ESAM: variants seen among roughly 807,000 people sequenced by gnomAD.
ESAM encodes endothelial cell-selective adhesion molecule.
In ESAM, 23 loss-of-function variants were observed where a neutral mutation model predicts 31.8. The ratio of observed to expected loss-of-function variants is 0.72; its 90% CI spans 0.52 to 1.03. ESAM has a LOEUF of 1.03. Among genes scored for constraint, ESAM ranks in the 50% least tolerant of loss-of-function variants. The probability of loss-of-function intolerance (pLI) is 0.00; values close to 1 mark genes in which losing one functional copy is unlikely to be tolerated. For synonymous variants in ESAM, 216 were observed against 207.2 expected, an observed-to-expected ratio of 1.04 and a Z score of -0.37; for missense variants, 478 against 488.9, an observed-to-expected ratio of 0.98 and a Z score of 0.21.
In ESAM at chr11:124,753,200, T is replaced by G. The variant is rs1328063829; in HGVS notation, c.*446A>C. ...AAAACAACACATATTTCATGTTAGTTTTAATAAGAGATTCCCTATCCTCTG... is the reference window on the plus strand; with the variant it reads ...AAAACAACACATATTTCATGTTAGTGTTAATAAGAGATTCCCTATCCTCTG... On this transcript the variant is annotated 3_prime_UTR_variant, in exon 7 of 7. Transcript: ENST00000278927. The G allele has an allele frequency of 5.8e-6, 1 of 172,634 alleles. No individual in the cohort carries two copies. Among genetic ancestry groups the G allele is most frequent in the Non-Finnish European group, 1.3e-5 (1 of 79,354 alleles). 10.7% of individuals were successfully genotyped at this position (172,634 alleles called of 1,614,324 possible). A position where few individuals can be genotyped will look rare whatever the true frequency, so the allele number is the denominator to read the frequency against.
At chr11:124,760,650 G>T (rs1944218280) in intron 1 of ESAM, among the ~76,000 whole-genome samples, 1 of 152,240 alleles carries the variant, frequency 6.6e-6, no homozygotes, top group African/African-American at 2.4e-5. Context: ...ACCCCCCAGG[G>T]GGACCGATTG....
Position 124,762,247 on chromosome 11 carries a change from G to A in ESAM, c.-93C>T. ...GCTGCGCGACGGCCGGAGCGTGCGC[G>A]GGAGCCGAGCCGCTGACACCCAGGG... is the stretch of plus-strand genomic sequence containing the variant. On this transcript the variant is annotated 5_prime_UTR_variant, in exon 1 of 7. Transcript: ENST00000278927. This position sits in a 1 kb window ranked among gnomAD's most constrained non-coding sequence, Gnocchi z 6.4. 1 of 1,038,212 alleles carries A rather than the reference G, an allele frequency of 9.6e-7. No homozygotes were observed. The highest frequency in any genetic ancestry group is 1.7e-5 in the South Asian group (1 of 58,030). The allele number at this position is 1,038,212 out of a possible 1,614,324, so 64.3% of individuals were successfully genotyped here. A position where few individuals can be genotyped will look rare whatever the true frequency, so the allele number is the denominator to read the frequency against.
At chr11:124,758,556 C>T (rs1483331254) in intron 1 of ESAM, 29 bp from the exon 2 acceptor site, 1 of 1,486,218 alleles carries the variant, frequency 6.7e-7, no homozygotes, top group Admixed American at 2.3e-5. Flanking sequence ...CGTGAGTGCC[C>T]AGGACCGGCT....
At chr11:124,758,594 A>G in intron 1 of ESAM, 67 bp from the exon 2 acceptor site, 1 of 1,432,806 alleles carries the variant, frequency 7.0e-7, no homozygotes, top group Non-Finnish European at 9.1e-7. Context: ...ACCCTGCCCT[A>G]CGCGGCTTCA....
In ESAM at chr11:124,759,570, G is replaced by A. The variant is rs2134462419; in HGVS notation, c.71-1043C>T. On this transcript the variant is annotated intron_variant, in intron 1 of 6. Coordinates refer to ENST00000278927, the MANE Select transcript of ESAM (RefSeq NM_138961.3). The surrounding 1 kb of genome is among the most constrained non-coding windows in gnomAD (Gnocchi z 6.8). The stretch of plus-strand genomic sequence containing the variant: ...GGCGAGCAGGCGGCCAACGCCGCGG[G>A]AAGAGGCCGCAGCCAGGCCCCGCTC... 6.6e-6 allele frequency among the ~76,000 whole-genome samples: 1 copy of A among 152,350 alleles called. No homozygotes were observed. Among genetic ancestry groups the A allele is most frequent in the Admixed American group, 6.5e-5 (1 of 15,310 alleles).
intron 2 of ESAM, chr11:124,756,944 T>C: frequency 1.7e-6 from 1 of 592,024 alleles, no homozygotes; most frequent in Non-Finnish European, 3.0e-6. Context: ...AGAACAGTTC[T>C]TCGTTCCTGC....
At chr11:124,761,046 T>C (rs1944223560) in intron 1 of ESAM, among the ~76,000 whole-genome samples, 2 of 152,128 alleles carry the variant, frequency 1.3e-5, no homozygotes, top group Non-Finnish European at 2.9e-5. Context: ...GCACAGAACA[T>C]GCTAAAGGGG....
rs767234688 is a variant in ESAM, at chr11:124,758,492, G to A, written c.106C>T (p.Pro36Ser). The A allele has an allele frequency of 1.2e-6, 2 of 1,604,290 alleles. No individual in the cohort carries two copies. The highest frequency in any genetic ancestry group is 2.3e-5 in the East Asian group (1 of 44,390). Residue 36 changes from proline (P) to serine (S), a missense_variant, in exon 2 of 7, where the codon CCC (proline) becomes TCC (serine). Transcript: ENST00000278927. ...TCCACCGCCTGCAACCGGTTGGCGGGCAAGTGCAGTTGCAGCTGGGCCCGC... is the reference window on the plus strand; with the variant it reads ...TCCACCGCCTGCAACCGGTTGGCGGACAAGTGCAGTTGCAGCTGGGCCCGC... ...PSRAQLQLHL[P>S]ANRLQAVEGG...
At chr11:124,756,903 C>A (rs538254251) in intron 2 of ESAM, 161 bp from the exon 3 acceptor site, 10 of 701,312 alleles carry the variant, frequency 1.4e-5, no homozygotes, top group Non-Finnish European at 2.2e-5. Flanking sequence ...TGTCCCTAGC[C>A]CCCTCTCACT....
chr11:124,760,583 G>C (rs184489987), intron 1 of ESAM, among the ~76,000 whole-genome samples: 2 of 152,246 alleles, frequency 1.3e-5, no homozygotes, highest in African/African-American at 4.8e-5. Flanking sequence ...GCGCCTGCAC[G>C]TTGCACCGGG....
chr11:124,762,228 C>A lies in ESAM; in HGVS notation c.-74G>T. 1.4e-5 allele frequency: 17 copies of A among 1,236,426 alleles called. No individual in the cohort carries two copies. Among genetic ancestry groups the A allele is most frequent in the Non-Finnish European group, 1.8e-5 (16 of 907,436 alleles). The allele number at this position is 1,236,426 out of a possible 1,614,324, so 76.6% of individuals were successfully genotyped here. A position where few individuals can be genotyped will look rare whatever the true frequency, so the allele number is the denominator to read the frequency against. ...CGGACCTGCAGGTGCCGAGGCTGCG[C>A]GACGGCCGGAGCGTGCGCGGGAGCC... On this transcript the variant is annotated 5_prime_UTR_variant, in exon 1 of 7. Transcript: ENST00000278927. The surrounding 1 kb of genome is among the most constrained non-coding windows in gnomAD (Gnocchi z 6.4).
At chr11:124,755,038 T>C (rs1274349315) in intron 4 of ESAM, among the ~76,000 whole-genome samples, 1 of 152,062 alleles carries the variant, frequency 6.6e-6, no homozygotes, top group Non-Finnish European at 1.5e-5. Context: ...CAAAACACCA[T>C]TTTACTTTTA....
rs1242187777 is a variant in ESAM at position 124,758,461 on chromosome 11, C to T, written c.137G>A (p.Gly46Glu). Residue 46 changes from glycine (G) to glutamate (E), a missense_variant, in exon 2 of 7, where the codon GGG becomes GAG. Coordinates refer to ENST00000278927, the MANE Select transcript of ESAM (RefSeq NM_138961.3). ...GTACCACGCTGGAAGCACCACTTCC[C>T]CTCCCTCCACCGCCTGCAACCGGTT... The part of the protein sequence containing the change: ...PANRLQAVEG[G>E]EVVLPAWYTL... The T allele has an allele frequency of 6.2e-7, 1 of 1,612,880 alleles. No homozygotes were observed.
rs977183198 is a variant in ESAM at position 124,759,833 on chromosome 11, G to T, written c.71-1306C>A. On this transcript the variant is annotated intron_variant, in intron 1 of 6. Transcript: ENST00000278927. This position sits in a 1 kb window ranked among gnomAD's most constrained non-coding sequence, Gnocchi z 6.8. ...TGAAGGGGGGGCCACTAGACCGGAG[G>T]CTCTACGGGAGGAAACAATCCCCGC... Among the ~76,000 whole-genome samples the T allele has an allele frequency of 3.9e-5, 6 of 152,206 alleles. No homozygotes were observed. Among genetic ancestry groups the T allele is most frequent in the African/African-American group, 1.4e-4 (6 of 41,462 alleles).
intron 1 of ESAM, among the ~76,000 whole-genome samples, chr11:124,760,827 G>C (rs979321737): frequency 1.9e-4 from 29 of 152,134 alleles, no homozygotes; most frequent in Admixed American, 9.2e-4. Flanking sequence ...CCACAAGGAA[G>C]GGGGATAGAG....
chr11:124,756,389 C>G, intron 3 of ESAM, 27 bp from the exon 4 acceptor site: 1 of 1,580,774 alleles, frequency 6.3e-7, no homozygotes, highest in Non-Finnish European at 8.6e-7. Context: ...AGATTAAAAC[C>G]ACACCCAGGA....
At chr11:124,758,573 T>A in intron 1 of ESAM, 46 bp from the exon 2 acceptor site, 1 of 1,456,838 alleles carries the variant, frequency 6.9e-7, no homozygotes, top group Non-Finnish European at 9.0e-7. Flanking sequence ...GGCTCCCAGC[T>A]CCGCCCGCGG....
chr11:124,756,441 CT>C, intron 3 of ESAM, 79 bp from the exon 4 acceptor site: 1 of 1,580,672 alleles, frequency 6.3e-7, no homozygotes, highest in Non-Finnish European at 8.6e-7. Context: ...CCTTCTGTCG[CT>C]TCATTTGTTC....
chr11:124,758,563 G>C (rs996658238), intron 1 of ESAM, 36 bp from the exon 2 acceptor site: 5 of 1,470,758 alleles, frequency 3.4e-6, no homozygotes, highest in East Asian at 2.5e-5. Context: ...GCCCAGGACC[G>C]GCTCCCAGCT....
Sources: allele counts gnomAD v4.1 joint callset (sites outside exome capture counted in the v4.1 genomes callset), GRCh38; gene constraint gnomAD v4.1.1; non-coding constraint Gnocchi (gnomAD v3.1); transcripts MANE v1.5; gene names NCBI Gene and HGNC (gene_info 2026-07-23, HGNC 2026-07-21).